The following THEMIS variants were observed in gnomAD, a reference collection of about 807,000 sequenced individuals.
THEMIS encodes thymocyte selection associated.
Under a neutral mutation model 52.6 loss-of-function variants are expected in THEMIS, and 37 were observed. The ratio of observed to expected loss-of-function variants is 0.70; its 90% CI spans 0.54 to 0.93. THEMIS has a LOEUF of 0.93. THEMIS is among the 40% of genes least tolerant of loss of function. The pLI, the probability that THEMIS is intolerant of heterozygous loss-of-function variation, is 0.00. For synonymous variants in THEMIS, 292 were observed against 272.7 expected, an observed-to-expected ratio of 1.07 and a Z score of -0.70; for missense variants, 808 against 763.1, an observed-to-expected ratio of 1.06 and a Z score of -0.69.
intron 4 of THEMIS, among the ~76,000 whole-genome samples, chr6:127,805,092 CTTGT>C (rs1777656644): frequency 6.6e-6 from 1 of 151,882 alleles, no homozygotes; most frequent in Admixed American, 6.6e-5. Flanking sequence ...CAGTTTGATT[CTTGT>C]TTGTCTAATT....
intron 3 of THEMIS, among the ~76,000 whole-genome samples, chr6:127,829,086 T>G (rs368727633): frequency 3.3e-5 from 5 of 152,302 alleles, no homozygotes; most frequent in Admixed American, 2.0e-4. Context: ...AAGGAAACTT[T>G]GCATATTTAC....
intron 5 of THEMIS, among the ~76,000 whole-genome samples, chr6:127,716,596 A>C (rs1302276319): frequency 6.6e-6 from 1 of 151,680 alleles, no homozygotes; most frequent in Admixed American, 6.6e-5. Context: ...TCATGATTCA[A>C]TTTTTCCCTC....
chr6:127,725,641 C>G (rs369375840), intron 4 of THEMIS, among the ~76,000 whole-genome samples: 1 of 152,056 alleles, frequency 6.6e-6, no homozygotes, highest in East Asian at 1.9e-4. Context: ...GAAAAATAAT[C>G]TAAAACTGAT....
intron 1 of THEMIS, among the ~76,000 whole-genome samples, chr6:127,916,495 C>T (rs1473343921): frequency 1.3e-5 from 2 of 152,112 alleles, no homozygotes; most frequent in East Asian, 1.9e-4. Context: ...CAATGGTTGA[C>T]ACAGAGGTCC....
intron 3 of THEMIS, among the ~76,000 whole-genome samples, chr6:127,826,569 C>T (rs1447061397): frequency 1.3e-5 from 2 of 152,282 alleles, no homozygotes; most frequent in Non-Finnish European, 2.9e-5. Flanking sequence ...GAAATTTTCA[C>T]TCAGGGAAGA....
intron 3 of THEMIS, among the ~76,000 whole-genome samples, chr6:127,826,374 A>C (rs892793699): frequency 6.6e-6 from 1 of 152,214 alleles, no homozygotes; most frequent in Non-Finnish European, 1.5e-5. Context: ...TTTTTCTGCT[A>C]TTCATGTATC....
rs1411036136 is a variant in THEMIS, at chr6:127,829,791, G to A, written c.394C>T (p.Gln132Ter). 6.2e-7 allele frequency: 1 copy of A among 1,614,064 alleles called. No homozygotes were observed. The highest frequency in any genetic ancestry group is 8.5e-7 in the Non-Finnish European group (1 of 1,179,998). Residue 132 changes from glutamine to a stop codon, truncating the protein, a stop_gained, in exon 3 of 6, where the codon CAG (glutamine) becomes TAG (stop). Coordinates refer to ENST00000368248, the MANE Select transcript of THEMIS (RefSeq NM_001010923.3). LOFTEE classifies it high-confidence loss of function. ...DIKLENLIIKQGEQIMLNSVE... is the reference protein window; with the variant it reads ...DIKLENLIIK ...GAGTTGAGCATGATTTGCTCACCCT[G>A]CTTTATGATGAGGTTCTCTAGTTTT...
intron 4 of THEMIS, among the ~76,000 whole-genome samples, chr6:127,796,833 G>A (rs1777345473): frequency 6.6e-6 from 1 of 152,124 alleles, no homozygotes; most frequent in South Asian, 2.1e-4. Context: ...ACTTTATAGT[G>A]TCTACACAAG....
At chr6:127,779,311 C>T (rs932550952) in intron 4 of THEMIS, among the ~76,000 whole-genome samples, 4 of 152,088 alleles carry the variant, frequency 2.6e-5, no homozygotes, top group Non-Finnish European at 5.9e-5. Flanking sequence ...AGACACCTTC[C>T]CTTTAACATC....
chr6:127,790,903 C>G (rs181373745), intron 4 of THEMIS, among the ~76,000 whole-genome samples: 130 of 152,342 alleles, frequency 8.5e-4, no homozygotes, highest in Middle Eastern at 3.4e-3. Flanking sequence ...GCTTCCATGG[C>G]TGGCACCAGG....
Position 127,709,738 on chromosome 6 carries a change from G to T in THEMIS, c.*247C>A. On this transcript the variant is annotated 3_prime_UTR_variant, in exon 6 of 6. Coordinates refer to ENST00000368248, the MANE Select transcript of THEMIS (RefSeq NM_001010923.3). ...AAAAATGTGCAAGTTAAATAAATACGTCCTAAAGAACAACAACACAATGCC... is the reference window on the plus strand; with the variant it reads ...AAAAATGTGCAAGTTAAATAAATACTTCCTAAAGAACAACAACACAATGCC... 2.8e-6 allele frequency: 1 copy of T among 357,824 alleles called. No homozygotes were observed. The highest frequency in any genetic ancestry group is 5.0e-6 in the Non-Finnish European group (1 of 199,396). 22.2% of individuals were successfully genotyped at this position (357,824 alleles called of 1,614,324 possible). A position where few individuals can be genotyped will look rare whatever the true frequency, so the allele number is the denominator to read the frequency against.
intron 1 of THEMIS, among the ~76,000 whole-genome samples, chr6:127,863,427 TC>T (rs1271672373): frequency 6.6e-6 from 1 of 152,212 alleles, no homozygotes; most frequent in Non-Finnish European, 1.5e-5. Context: ...GTTAAAAATT[TC>T]TTCATTTTAT....
intron 5 of THEMIS, among the ~76,000 whole-genome samples, chr6:127,718,013 T>C (rs1208105616): frequency 6.6e-6 from 1 of 151,902 alleles, no homozygotes; most frequent in South Asian, 2.1e-4. Context: ...ATATGAAGTA[T>C]GGTAAATGTT....
chr6:127,883,020 A>G (rs780411289), intron 1 of THEMIS, among the ~76,000 whole-genome samples: 35 of 152,088 alleles, frequency 2.3e-4, no homozygotes, highest in Non-Finnish European at 3.8e-4. Flanking sequence ...ATACTTATTC[A>G]ATCAGTTGTA....
intron 1 of THEMIS, among the ~76,000 whole-genome samples, chr6:127,859,311 A>C (rs1400864540): frequency 7.9e-5 from 12 of 152,150 alleles, no homozygotes; most frequent in Non-Finnish European, 1.2e-4. Context: ...CCTAAGTAAG[A>C]ATTAATTCTC....
At chr6:127,846,051 GA>G (rs1779203161) in intron 2 of THEMIS, among the ~76,000 whole-genome samples, 1 of 151,868 alleles carries the variant, frequency 6.6e-6, no homozygotes, top group Non-Finnish European at 1.5e-5. Context: ...ATGAACAACA[GA>G]GCCCTTCAAC....
chr6:127,783,956 G>T (rs1298441584), intron 4 of THEMIS, among the ~76,000 whole-genome samples: 2 of 152,090 alleles, frequency 1.3e-5, no homozygotes, highest in Non-Finnish European at 2.9e-5. Flanking sequence ...TTGCAGCACT[G>T]TTCACAATAG....
At chr6:127,697,597 G>A in the THEMIS span, among the ~76,000 whole-genome samples, 4 of 152,044 alleles carry the variant, frequency 2.6e-5, no homozygotes, top group Admixed American at 6.5e-5. Flanking sequence ...TTTTTCCCTA[G>A]CTATTCTCCA....
chr6:127,827,181 A>G (rs1007197553), intron 3 of THEMIS, among the ~76,000 whole-genome samples: 2 of 152,156 alleles, frequency 1.3e-5, no homozygotes, highest in African/African-American at 2.4e-5. Flanking sequence ...TCTTCAATTT[A>G]AGAAAGAATC....
Sources: allele counts gnomAD v4.1 joint callset (sites outside exome capture counted in the v4.1 genomes callset), GRCh38; gene constraint gnomAD v4.1.1; transcripts MANE v1.5; gene names NCBI Gene and HGNC (gene_info 2026-07-23, HGNC 2026-07-21).